The following KCNB2 variants were observed in gnomAD, a reference collection of about 807,000 sequenced individuals.
The protein encoded by KCNB2 is delayed rectifier potassium channel protein.
In KCNB2, 15 loss-of-function variants were observed where a neutral mutation model predicts 61.5. That is an observed-to-expected ratio of 0.24 (90% CI 0.16 to 0.38). KCNB2 has a LOEUF of 0.38. Among genes scored for constraint, KCNB2 ranks in the 10% least tolerant of loss-of-function variants. KCNB2 has a pLI of 1.00. For synonymous variants in KCNB2, 457 were observed against 446.0 expected, an observed-to-expected ratio of 1.02 and a Z score of -0.31; for missense variants, 828 against 1,125.2, an observed-to-expected ratio of 0.74 and a Z score of 3.78.
In KCNB2 at chr8:72,938,213, A is replaced by C; in HGVS notation, c.*122A>C. ...AAGCCCTCCCCAAAAAAAGTGCATA[A>C]AATGTTATTTTTGCATGGCATGAAC... On this transcript the variant is annotated 3_prime_UTR_variant, in exon 3 of 3. Coordinates refer to ENST00000523207, the MANE Select transcript of KCNB2 (RefSeq NM_004770.3). The C allele has an allele frequency of 1.4e-6, 1 of 736,004 alleles. No homozygotes were observed. The highest frequency in any genetic ancestry group is 2.3e-6 in the Non-Finnish European group (1 of 440,756). The allele number at this position is 736,004 out of a possible 1,614,324, so 45.6% of individuals were successfully genotyped here.
At chr8:72,620,196 T>C (rs192315120) in intron 2 of KCNB2, among the ~76,000 whole-genome samples, 34 of 152,358 alleles carry the variant, frequency 2.2e-4, no homozygotes, top group African/African-American at 7.2e-4. Context: ...CAAAAGTTTC[T>C]GGTTACTCTA....
rs958202722 is a variant in KCNB2, at chr8:72,863,900, A to G, written c.580-72035A>G. Among the ~76,000 whole-genome samples the G allele has an allele frequency of 3.1e-4, 47 of 152,122 alleles. 2 individuals carry two copies. The highest frequency in any genetic ancestry group is 5.9e-5 in the Non-Finnish European group (4 of 68,024). ...GTGCCTATGGTCCCAGCTACTTGAG[A>G]GGCTGAGGTGGGAGGATCACTTGAG... On this transcript the variant is annotated intron_variant, in intron 2 of 2. Transcript: ENST00000523207.
intron 1 of KCNB2, among the ~76,000 whole-genome samples, chr8:72,554,245 A>G (rs1388933080): frequency 1.3e-5 from 2 of 152,132 alleles, no homozygotes; most frequent in Non-Finnish European, 2.9e-5. Context: ...CCAATTTTGC[A>G]TCATCTCCCA....
chr8:72,781,081 C>G (rs890427443), intron 2 of KCNB2, among the ~76,000 whole-genome samples: 1 of 151,144 alleles, frequency 6.6e-6, no homozygotes, highest in Non-Finnish European at 1.5e-5. Flanking sequence ...TTTTTTTCTT[C>G]TAAATTTAAG....
chr8:72,555,087 AGAT>A (rs1806402601), intron 1 of KCNB2, among the ~76,000 whole-genome samples: 1 of 152,206 alleles, frequency 6.6e-6, no homozygotes, highest in African/African-American at 2.4e-5. Context: ...CTTTGGATTA[AGAT>A]AATGCTGGGT....
chr8:72,867,395 G>A (rs1196652049), intron 2 of KCNB2, among the ~76,000 whole-genome samples: 1 of 152,090 alleles, frequency 6.6e-6, no homozygotes, highest in African/African-American at 2.4e-5. Flanking sequence ...ACGCCTATAA[G>A]CCCTGCACTT....
intron 2 of KCNB2, among the ~76,000 whole-genome samples, chr8:72,719,102 T>C (rs530571926): frequency 6.6e-6 from 1 of 152,254 alleles, no homozygotes; most frequent in South Asian, 2.1e-4. Context: ...TTTGTTTTTT[T>C]GTTTGTTTGT....
At chr8:72,650,578 G>A (rs892953294) in intron 2 of KCNB2, among the ~76,000 whole-genome samples, 9 of 152,094 alleles carry the variant, frequency 5.9e-5, no homozygotes, top group Non-Finnish European at 1.0e-4. Flanking sequence ...AAGGGTCACC[G>A]CCAGGTCTCT....
intron 2 of KCNB2, among the ~76,000 whole-genome samples, chr8:72,682,509 C>A (rs1806776214): frequency 6.6e-6 from 1 of 150,980 alleles, no homozygotes; most frequent in Non-Finnish European, 1.5e-5. Flanking sequence ...TTGATTGGGG[C>A]TCTTTGTTGC....
chr8:72,596,327 C>G (rs1190469445), intron 2 of KCNB2, among the ~76,000 whole-genome samples: 1 of 152,194 alleles, frequency 6.6e-6, no homozygotes, highest in Non-Finnish European at 1.5e-5. Context: ...CAAATACTGG[C>G]TCTGCCGAGT....
intron 2 of KCNB2, among the ~76,000 whole-genome samples, chr8:72,835,908 A>G (rs944286466): frequency 6.6e-6 from 1 of 152,214 alleles, no homozygotes; most frequent in Non-Finnish European, 1.5e-5. Flanking sequence ...ACAGGCCTCA[A>G]CATTTGACTT....
chr8:72,617,941 T>C (rs1433089027), intron 2 of KCNB2, among the ~76,000 whole-genome samples: 2 of 152,204 alleles, frequency 1.3e-5, no homozygotes, highest in African/African-American at 4.8e-5. Context: ...GGGTTATAAC[T>C]ATGTGGTGGA....
intron 2 of KCNB2, among the ~76,000 whole-genome samples, chr8:72,617,039 A>T (rs1805630506): frequency 6.6e-6 from 1 of 152,170 alleles, no homozygotes; most frequent in Non-Finnish European, 1.5e-5. Flanking sequence ...ATTGTGATTT[A>T]TGCAAGCCAG....
intron 2 of KCNB2, among the ~76,000 whole-genome samples, chr8:72,585,309 T>C (rs187729204): frequency 1.3e-5 from 2 of 152,234 alleles, no homozygotes; most frequent in Non-Finnish European, 2.9e-5. Context: ...ATATATAAGT[T>C]GATACAATTT....
chr8:72,601,335 T>C (rs991955090), intron 2 of KCNB2, among the ~76,000 whole-genome samples: 2 of 152,186 alleles, frequency 1.3e-5, no homozygotes, highest in Non-Finnish European at 2.9e-5. Flanking sequence ...TTAATGTACA[T>C]TCCAGTGGAG....
chr8:72,779,559 A>G (rs1480197115), intron 2 of KCNB2, among the ~76,000 whole-genome samples: 1 of 152,186 alleles, frequency 6.6e-6, no homozygotes, highest in East Asian at 1.9e-4. Flanking sequence ...TATATCTGAC[A>G]TGGTTCTTCA....
chr8:72,612,693 G>A (rs1253196264), intron 2 of KCNB2, among the ~76,000 whole-genome samples: 2 of 152,148 alleles, frequency 1.3e-5, no homozygotes, highest in Non-Finnish European at 2.9e-5. Context: ...CAGTTGCCTT[G>A]GGCTTTGTGG....
intron 2 of KCNB2, among the ~76,000 whole-genome samples, chr8:72,812,237 C>CAG (rs1809319731): frequency 6.6e-6 from 1 of 151,548 alleles, no homozygotes; most frequent in Non-Finnish European, 1.5e-5. Flanking sequence ...CACTGCCCTC[C>CAG]AGCCTGGGCT....
At chr8:72,637,420 G>A (rs1049168744) in intron 2 of KCNB2, among the ~76,000 whole-genome samples, 6 of 151,842 alleles carry the variant, frequency 4.0e-5, no homozygotes, top group Admixed American at 2.0e-4. Flanking sequence ...TTTTTTTGTA[G>A]GGAAATTGGA....
Sources: gnomAD v4.1 joint callset for allele counts (sites outside exome capture counted in the v4.1 genomes callset) on GRCh38, gnomAD v4.1.1 for gene constraint, MANE v1.5 for transcripts, NCBI Gene and HGNC (gene_info 2026-07-23, HGNC 2026-07-21) for gene names.